PDE1C: variants seen among roughly 807,000 people sequenced by gnomAD.
PDE1C encodes phosphodiesterase 1C, also known as dual specificity calcium/calmodulin-dependent 3',5'-cyclic nucleotide phosphodiesterase 1C.
In PDE1C, 62 loss-of-function variants were observed where a neutral mutation model predicts 93.1. That is an observed-to-expected ratio of 0.67 (90% CI 0.54 to 0.82). The LOEUF (loss-of-function observed/expected upper bound fraction) is 0.82. Ranked by LOEUF, PDE1C falls within the 40% of genes least tolerant of loss-of-function variation. PDE1C has a pLI of 0.00. For missense variants in PDE1C, 742 were observed against 884.6 expected (o/e 0.84, Z 2.04); for synonymous variants, 325 against 310.1 (o/e 1.05, Z -0.50).
chr7:32,186,166 A>G (rs1201842781), intron 2 of PDE1C, among the ~76,000 whole-genome samples: 5 of 145,636 alleles, frequency 3.4e-5, no homozygotes, highest in African/African-American at 7.6e-5. Flanking sequence ...GCAGTGGCGC[A>G]ATCTCGGCTC....
chr7:32,084,159 C>T (rs1796902502), intron 3 of PDE1C, among the ~76,000 whole-genome samples: 1 of 151,944 alleles, frequency 6.6e-6, no homozygotes, highest in Non-Finnish European at 1.5e-5. Flanking sequence ...GGAGGAAGAT[C>T]TACCAAGCAA....
chr7:31,695,307 A>G, the PDE1C span, among the ~76,000 whole-genome samples: 1 of 152,196 alleles, frequency 6.6e-6, no homozygotes, highest in Non-Finnish European at 1.5e-5. Context: ...ATGCAAGGCT[A>G]ATAAAGTCCT....
At chr7:32,033,590 G>C (rs1218553605) in intron 2 of PDE1C, among the ~76,000 whole-genome samples, 2 of 152,070 alleles carry the variant, frequency 1.3e-5, no homozygotes, top group African/African-American at 2.4e-5. Context: ...TCCTGACCTT[G>C]TATCTTCACC....
intron 1 of PDE1C, among the ~76,000 whole-genome samples, chr7:32,281,928 C>A (rs1293630334): frequency 1.3e-5 from 2 of 152,008 alleles, no homozygotes; most frequent in African/African-American, 2.4e-5. Flanking sequence ...AAGGACAGAA[C>A]GTGTTCTCCC....
upstream of PDE1C, among the ~76,000 whole-genome samples, chr7:32,074,661 A>G (rs1036040875): frequency 8.5e-5 from 13 of 152,192 alleles, no homozygotes; most frequent in African/African-American, 3.1e-4. Flanking sequence ...GGGATCATTC[A>G]TGCTGTGGGG....
At chr7:32,026,971 A>G (rs750763340) in intron 2 of PDE1C, among the ~76,000 whole-genome samples, 1 of 152,186 alleles carries the variant, frequency 6.6e-6, no homozygotes, top group Non-Finnish European at 1.5e-5. Flanking sequence ...GTATAACACT[A>G]TGGAGACAGT....
intron 14 of PDE1C, 98 bp downstream of exon 14, chr7:31,822,975 C>T: frequency 1.0e-6 from 1 of 956,424 alleles, no homozygotes; most frequent in Non-Finnish European, 1.5e-6. Context: ...TTTGAATCTG[C>T]ATCCTGAGCA....
intron 2 of PDE1C, among the ~76,000 whole-genome samples, chr7:31,940,736 A>G (rs1805712068): frequency 6.6e-6 from 1 of 152,184 alleles, no homozygotes; most frequent in Non-Finnish European, 1.5e-5. Context: ...ATGCACTGAT[A>G]ATTAATTCTG....
rs565157781 is a variant in PDE1C, at chr7:31,889,289, ACT to A, written c.129-8431_129-8430del. ...GTCCCTCTACCACTTCACTATTCCA[ACT>A]CTCTTCCTTTCAACATCCAGCTGGT... On this transcript the variant is annotated intron_variant, in intron 2 of 17. Coordinates refer to ENST00000396191, the MANE Select transcript of PDE1C (RefSeq NM_001191057.4). Among the ~76,000 whole-genome samples the A allele has an allele frequency of 7.8e-4, 118 of 152,204 alleles. 1 individual carries two copies. The highest frequency in any genetic ancestry group is 2.7e-3 in the African/African-American group (113 of 41,514).
At chr7:32,333,934 T>C (rs1334983268) in intron 1 of PDE1C, among the ~76,000 whole-genome samples, 1 of 152,166 alleles carries the variant, frequency 6.6e-6, no homozygotes, top group Non-Finnish European at 1.5e-5. Context: ...TTTCAGAAAA[T>C]GTTGAAAAAT....
intron 1 of PDE1C, among the ~76,000 whole-genome samples, chr7:32,333,786 G>A (rs215637): frequency 0.69 from 104,964 of 152,084 alleles, 37,600 homozygotes; most frequent in Admixed American, 0.78. Flanking sequence ...ACTGCTAGAC[G>A]GTTGCAGCAA....
chr7:31,742,890 C>T, the PDE1C span, among the ~76,000 whole-genome samples: 15 of 152,334 alleles, frequency 9.8e-5, no homozygotes, highest in African/African-American at 3.4e-4. Flanking sequence ...CTTCCCCACC[C>T]TACTCCAATG....
chr7:31,997,232 G>T (rs1478290014), intron 2 of PDE1C, among the ~76,000 whole-genome samples: 1 of 152,280 alleles, frequency 6.6e-6, no homozygotes, highest in East Asian at 1.9e-4. Context: ...AGCACCTCAA[G>T]CTTTTAATTT....
At chr7:31,932,208 T>C (rs1804407142) in intron 2 of PDE1C, among the ~76,000 whole-genome samples, 1 of 152,126 alleles carries the variant, frequency 6.6e-6, no homozygotes, top group Non-Finnish European at 1.5e-5. Flanking sequence ...GAAGCCAAAA[T>C]TGACAAATAG....
intron 1 of PDE1C, 137 bp downstream of exon 1, chr7:32,070,156 A>T: frequency 7.0e-7 from 1 of 1,431,380 alleles, no homozygotes; most frequent in Non-Finnish European, 9.4e-7. Context: ...TAATTAACAG[A>T]GCAGCAGTTG....
At chr7:31,792,415 T>G (rs1056075066) in intron 16 of PDE1C, among the ~76,000 whole-genome samples, 1 of 152,114 alleles carries the variant, frequency 6.6e-6, no homozygotes, top group Non-Finnish European at 1.5e-5. Flanking sequence ...GGTGTGGTGA[T>G]GAATAGGAGG....
At chr7:31,643,015 G>C in the PDE1C span, 10,409 of 1,613,994 alleles carry the variant, frequency 6.4e-3, 597 homozygotes, top group African/African-American at 0.12. Flanking sequence ...AATGCCCCAT[G>C]CTGAGTATGA....
In PDE1C at chr7:32,111,812, A is replaced by G. The variant is rs533883387; in HGVS notation, c.308+57973T>C. Among the ~76,000 whole-genome samples, 17 of 152,294 alleles carry G rather than the reference A, an allele frequency of 1.1e-4. No individual in the cohort carries two copies. In the South Asian group the frequency reaches 3.1e-3, roughly 28 times the overall value. ...GTGTAACTCACACTGTCTTAAAGAG[A>G]AGAAGGGTAGACAAAACAAAATTCA... On this transcript the variant is annotated intron_variant, in intron 3 of 18. Transcript: ENST00000396193.
At chr7:31,649,124 C>T in the PDE1C span, among the ~76,000 whole-genome samples, 3 of 152,148 alleles carry the variant, frequency 2.0e-5, no homozygotes, top group African/African-American at 2.4e-5. Flanking sequence ...ATGCAAAATA[C>T]GTTATTCAGT....
Sources: allele counts gnomAD v4.1 joint callset (sites outside exome capture counted in the v4.1 genomes callset), GRCh38; gene constraint gnomAD v4.1.1; transcripts MANE v1.5; gene names NCBI Gene and HGNC (gene_info 2026-07-23, HGNC 2026-07-21).